Variants in CNGB3 observed in about 807,000 individuals in gnomAD.
CNGB3 encodes the protein cyclic nucleotide-gated channel beta-3.
Under a neutral mutation model 92.8 loss-of-function variants are expected in CNGB3, and 86 were observed. The observed-to-expected ratio is 0.93, with a 90% CI of 0.78 to 1.11. The LOEUF (loss-of-function observed/expected upper bound fraction) is 1.11. Ranked by LOEUF, CNGB3 falls within the 50% of genes least tolerant of loss-of-function variation. The pLI, the probability that CNGB3 is intolerant of heterozygous loss-of-function variation, is 0.00. For missense variants in CNGB3, 1,026 were observed against 956.8 expected, an observed-to-expected ratio of 1.07 and a Z score of -0.95; for synonymous variants, 333 against 332.7, an observed-to-expected ratio of 1.00 and a Z score of -0.01.
rs375200743 is a variant in CNGB3 at position 86,694,845 on chromosome 8, G to A, written c.339-23747C>T. Reference sequence around the variant, plus strand: ...GCAGCCAGGCAGAGGGGCTCCTCACGTCCCAGACGATGGGCGGCCAGGCAG... The same window carrying A: ...GCAGCCAGGCAGAGGGGCTCCTCACATCCCAGACGATGGGCGGCCAGGCAG... On this transcript the variant is annotated intron_variant, in intron 3 of 17. Transcript: ENST00000320005. Among the ~76,000 whole-genome samples, 11 of 149,470 alleles carry A rather than the reference G, an allele frequency of 7.4e-5. No individual in the cohort carries two copies. The East Asian group carries it at 1.6e-3, about 22-fold the overall frequency.
intron 13 of CNGB3, among the ~76,000 whole-genome samples, chr8:86,615,518 G>A (rs546948712): frequency 3.9e-5 from 6 of 152,028 alleles, no homozygotes; most frequent in Non-Finnish European, 7.4e-5. Context: ...TGACAAGATC[G>A]CTAGAACCTG....
At chr8:86,650,404 G>GA (rs1368342857) in intron 7 of CNGB3, among the ~76,000 whole-genome samples, 1 of 150,940 alleles carries the variant, frequency 6.6e-6, no homozygotes, top group East Asian at 2.0e-4. Flanking sequence ...AAAAGGAAAA[G>GA]AGTCATTATA....
At chr8:86,594,049 A>T (rs1295834313) in intron 15 of CNGB3, 2 of 355,124 alleles carry the variant, frequency 5.6e-6, no homozygotes, top group African/African-American at 4.3e-5. Flanking sequence ...GCCCACAGTA[A>T]GCTAATACAT....
chr8:86,636,128 A>G (rs1225420428), intron 10 of CNGB3, among the ~76,000 whole-genome samples: 1 of 151,968 alleles, frequency 6.6e-6, no homozygotes, highest in Non-Finnish European at 1.5e-5. Context: ...CCACTTATTT[A>G]TCAATAAAAC....
Position 86,587,738 on chromosome 8 carries a change from T to C in CNGB3, c.1782-8486A>G, listed in dbSNP as rs1821929681. Among the ~76,000 whole-genome samples, 10 of 149,940 alleles carry C rather than the reference T, an allele frequency of 6.7e-5. No homozygotes were observed. The South Asian group carries it at 1.9e-3, about 29-fold the overall frequency. On this transcript the variant is annotated intron_variant, in intron 15 of 17. Coordinates refer to ENST00000320005, the MANE Select transcript of CNGB3 (RefSeq NM_019098.5). ...CAGTACCATGCTGTTTTGGTTACTG[T>C]AGCCTTGTAGTATAGTTTGAAGTCA...
At chr8:86,663,025 CTGT>C (rs149711478) in intron 6 of CNGB3, among the ~76,000 whole-genome samples, 9,002 of 152,184 alleles carry the variant, frequency 0.059, 879 homozygotes, top group African/African-American at 0.2. Context: ...TGACCCCAGA[CTGT>C]TGGTTTCTAC....
At chr8:86,662,702 G>A (rs1189742869) in intron 6 of CNGB3, among the ~76,000 whole-genome samples, 1 of 152,162 alleles carries the variant, frequency 6.6e-6, no homozygotes, top group African/African-American at 2.4e-5. Context: ...CTTCCTGTGT[G>A]GAACCTGGAA....
At chr8:86,576,178 A>G in intron 17 of CNGB3, 48 bp from the exon 18 acceptor site, 1 of 1,588,348 alleles carries the variant, frequency 6.3e-7, no homozygotes. Flanking sequence ...GTAATTAAAA[A>G]CATTGGATTA....
chr8:86,595,631 C>A (rs1376052279), intron 15 of CNGB3, among the ~76,000 whole-genome samples: 1 of 139,928 alleles, frequency 7.1e-6, no homozygotes, highest in African/African-American at 3.2e-5. Flanking sequence ...CAGTATTAAT[C>A]GAGTCTTATC....
intron 13 of CNGB3, among the ~76,000 whole-genome samples, chr8:86,617,872 A>T (rs1822648521): frequency 6.6e-6 from 1 of 152,158 alleles, no homozygotes; most frequent in African/African-American, 2.4e-5. Context: ...TGGTTTCGGG[A>T]TGATTCAAGC....
chr8:86,672,525 C>T (rs1157813592), intron 3 of CNGB3, among the ~76,000 whole-genome samples: 1 of 152,170 alleles, frequency 6.6e-6, no homozygotes, highest in African/African-American at 2.4e-5. Flanking sequence ...GTCTATCTTC[C>T]TTCCAATGTC....
At chr8:86,689,267 C>T (rs1470675945) in intron 3 of CNGB3, among the ~76,000 whole-genome samples, 1 of 151,610 alleles carries the variant, frequency 6.6e-6, no homozygotes, top group African/African-American at 2.4e-5. Context: ...ATTGGATGAA[C>T]TGTTCCATAA....
At chr8:86,710,771 T>C (rs1418978253) in intron 3 of CNGB3, among the ~76,000 whole-genome samples, 3 of 152,178 alleles carry the variant, frequency 2.0e-5, no homozygotes, top group Non-Finnish European at 4.4e-5. Context: ...GAAACACTTA[T>C]GAAAATAAGC....
intron 15 of CNGB3, among the ~76,000 whole-genome samples, chr8:86,592,298 C>T (rs1822063238): frequency 6.6e-6 from 1 of 152,250 alleles, no homozygotes; most frequent in East Asian, 1.9e-4. Context: ...AATCACCCGT[C>T]TTCTGCGTCG....
At chr8:86,652,002 G>T (rs941862304) in intron 7 of CNGB3, among the ~76,000 whole-genome samples, 2 of 151,856 alleles carry the variant, frequency 1.3e-5, no homozygotes, top group Non-Finnish European at 2.9e-5. Flanking sequence ...CACGTAGGTG[G>T]TATGGTATAG....
At position 86,653,986 on chromosome 8, in the gene CNGB3, C is replaced by A. The variant is rs540583192; in HGVS notation, c.903+26G>T. ...TCAAAATGGTAATAGATCACGTGAG[C>A]AACTTTGAAATTGTTTGTCACCTAC... On this transcript the variant is annotated intron_variant, in intron 7 of 17. Coordinates refer to ENST00000320005, the MANE Select transcript of CNGB3 (RefSeq NM_019098.5). The A allele has an allele frequency of 2.4e-5, 37 of 1,510,846 alleles. No homozygotes were observed. In the African/African-American group the frequency reaches 3.7e-4, roughly 15 times the overall value. The allele number at this position is 1,510,846 out of a possible 1,614,324, so 93.6% of individuals were successfully genotyped here.
At chr8:86,599,614 C>T (rs1248971328) in intron 15 of CNGB3, among the ~76,000 whole-genome samples, 4 of 152,110 alleles carry the variant, frequency 2.6e-5, no homozygotes, top group Admixed American at 6.5e-5. Flanking sequence ...TTTAAAATGG[C>T]CACCTTGGGG....
chr8:86,594,451 C>A, intron 15 of CNGB3: 1 of 284,490 alleles, frequency 3.5e-6, no homozygotes, highest in South Asian at 3.2e-5. Flanking sequence ...TGTTCATGAG[C>A]TTGTCGGTGG....
chr8:86,601,538 G>GAAAA (rs1822299012), intron 15 of CNGB3, among the ~76,000 whole-genome samples: 1 of 151,486 alleles, frequency 6.6e-6, no homozygotes, highest in African/African-American at 2.4e-5. Context: ...TTTTCCTGAG[G>GAAAA]AAAAAGAACT....
Sources: gnomAD v4.1 joint callset for allele counts (sites outside exome capture counted in the v4.1 genomes callset) on GRCh38, gnomAD v4.1.1 for gene constraint, MANE v1.5 for transcripts, NCBI Gene and HGNC (gene_info 2026-07-23, HGNC 2026-07-21) for gene names.